GMPPA: variants seen among roughly 807,000 people sequenced by gnomAD.
GMPPA encodes the protein GDP-mannose pyrophosphorylase A.
Under a neutral mutation model 58.6 loss-of-function variants are expected in GMPPA, and 46 were observed. That is an observed-to-expected ratio of 0.78 (90% CI 0.62 to 1.00). The LOEUF is 1.00. GMPPA is among the 50% of genes least tolerant of loss of function. The pLI is 0.00. For missense variants in GMPPA, 468 were observed against 556.4 expected (o/e 0.84, Z 1.60); for synonymous variants, 211 against 214.9 (o/e 0.98, Z 0.16).
At chr2:219,506,177 T>C in intron 11 of GMPPA, 77 bp from the exon 12 acceptor site, 1 of 1,504,228 alleles carries the variant, frequency 6.6e-7, no homozygotes, top group South Asian at 1.2e-5. Context: ...GGGCTCTGCA[T>C]CTGGCCACAC....
chr2:219,502,132 TTGG>T lies in GMPPA; in HGVS notation c.429+98_429+100del, dbSNP rs1010281716. ...TGGGGAGGCAGGGGCGCCCCGGGAGTTGGTGTGGGAGCTGGCGTCAGGAGGGAG... is the reference window on the plus strand; with the variant it reads ...TGGGGAGGCAGGGGCGCCCCGGGAGTTGTGGGAGCTGGCGTCAGGAGGGAG... On this transcript the variant is annotated intron_variant, in intron 5 of 12. Coordinates refer to ENST00000313597, the MANE Select transcript of GMPPA (RefSeq NM_013335.4). The surrounding 1 kb of genome is among the most constrained non-coding windows in gnomAD (Gnocchi z 4.0). 3.9e-6 allele frequency: 5 copies of T among 1,285,338 alleles called. No homozygotes were observed. The highest frequency in any genetic ancestry group is 5.5e-6 in the Non-Finnish European group (5 of 903,740). 79.6% of individuals were successfully genotyped at this position (1,285,338 alleles called of 1,614,324 possible). A position where few individuals can be genotyped will look rare whatever the true frequency, so the allele number is the denominator to read the frequency against.
At chr2:219,505,045 G>A in intron 7 of GMPPA, 183 bp from the exon 8 acceptor site, 2 of 837,060 alleles carry the variant, frequency 2.4e-6, no homozygotes, top group East Asian at 2.7e-5. Flanking sequence ...CCAAGTGGGG[G>A]CTGGGTGGGA....
At position 219,502,004 on chromosome 2, in the gene GMPPA, C is replaced by G; in HGVS notation, c.396C>G (p.Arg132=). The G allele has an allele frequency of 6.2e-7, 1 of 1,614,232 alleles. No individual in the cohort carries two copies. Among genetic ancestry groups the G allele is most frequent in the Non-Finnish European group, 8.5e-7 (1 of 1,180,038 alleles). The part of the protein sequence containing the change: ...PLSAMLEAHR[R]QRHPFLLLGT... Reference sequence around the variant, plus strand: ...GTGCTATGTTGGAAGCCCACCGACGCCAGCGTCACCCTTTCTTACTCCTTG... The same window carrying G: ...GTGCTATGTTGGAAGCCCACCGACGGCAGCGTCACCCTTTCTTACTCCTTG... Residue 132 remains arginine (R), a synonymous_variant, in exon 5 of 13, where the codon CGC becomes CGG. Coordinates refer to ENST00000313597, the MANE Select transcript of GMPPA (RefSeq NM_013335.4). The surrounding 1 kb of genome is among the most constrained non-coding windows in gnomAD (Gnocchi z 4.0).
chr2:219,504,981 G>A, intron 7 of GMPPA: 1 of 915,572 alleles, frequency 1.1e-6, no homozygotes, highest in Non-Finnish European at 1.5e-6. Flanking sequence ...TATGGAAATG[G>A]GGCAGGGATG....
chr2:219,502,275 G>T lies in GMPPA; in HGVS notation c.430-107G>T, dbSNP rs1694425774. On this transcript the variant is annotated intron_variant, in intron 5 of 12. Coordinates refer to ENST00000313597, the MANE Select transcript of GMPPA (RefSeq NM_013335.4). The surrounding 1 kb of genome is among the most constrained non-coding windows in gnomAD (Gnocchi z 4.0). ...TTCCACCCTTGCTGAAGGCCTGTCA[G>T]TGGCAGAGCTGCATGCCAGGTGCTG... 2 of 1,031,642 alleles carry T rather than the reference G, an allele frequency of 1.9e-6. No homozygotes were observed. The highest frequency in any genetic ancestry group is 1.6e-5 in the African/African-American group (1 of 63,608). 63.9% of individuals were successfully genotyped at this position (1,031,642 alleles called of 1,614,324 possible). A position where few individuals can be genotyped will look rare whatever the true frequency, so the allele number is the denominator to read the frequency against.
chr2:219,505,879 C>T (rs1694569325), intron 10 of GMPPA, 101 bp from the exon 11 acceptor site: 1 of 1,140,694 alleles, frequency 8.8e-7, no homozygotes, highest in Non-Finnish European at 1.3e-6. Context: ...TATTGTGTGT[C>T]CTCGAGCAGG....
Position 219,502,091 on chromosome 2 carries a change from C to G in GMPPA, c.429+54C>G, listed in dbSNP as rs1694417035. ...TAGAGGAGGTGATCCCAAGAGCTTC[C>G]CGGAATTCAGGGTGTTGGGGAGGCA... On this transcript the variant is annotated intron_variant, in intron 5 of 12. Transcript: ENST00000313597. The surrounding 1 kb of genome is among the most constrained non-coding windows in gnomAD (Gnocchi z 4.0). 6.3e-7 allele frequency: 1 copy of G among 1,577,958 alleles called. No individual in the cohort carries two copies. Among genetic ancestry groups the G allele is most frequent in the Non-Finnish European group, 8.7e-7 (1 of 1,154,064 alleles).
chr2:219,504,813 C>G (rs1002119517), intron 7 of GMPPA: 2 of 1,038,866 alleles, frequency 1.9e-6, no homozygotes, highest in African/African-American at 3.4e-5. Context: ...TCTACCATCT[C>G]TCTCTCCCTT....
chr2:219,504,253 C>T (rs1417343870), intron 7 of GMPPA, 40 bp downstream of exon 7: 2 of 1,599,218 alleles, frequency 1.3e-6, no homozygotes, highest in East Asian at 4.5e-5. Context: ...CAAGTACCCC[C>T]AGTCACGGAC....
chr2:219,502,412 T>C lies in GMPPA; in HGVS notation c.460T>C (p.Cys154Arg). 1 of 1,613,978 alleles carries C rather than the reference T, an allele frequency of 6.2e-7. No homozygotes were observed. The highest frequency in any genetic ancestry group is 8.5e-7 in the Non-Finnish European group (1 of 1,179,924). The stretch of plus-strand genomic sequence containing the variant: ...CAGGACGCAATCCCTCAACTACGGC[T>C]GCATCGTTGAGAATCCACAGACACA... ...ANRTQSLNYG[C>R]IVENPQTHEV... is the part of the protein sequence containing the mutation. The change falls in exon 6 of 13, where the codon TGC (cysteine) becomes CGC (arginine). Residue 154 changes from cysteine (C) to arginine (R), a missense_variant. Physicochemically the swap from Cys to Arg is radical, Grantham distance 180. Coordinates refer to ENST00000313597, the MANE Select transcript of GMPPA (RefSeq NM_013335.4). This position sits in a 1 kb window ranked among gnomAD's most constrained non-coding sequence, Gnocchi z 4.0.
chr2:219,504,404 A>C, intron 7 of GMPPA, 191 bp downstream of exon 7: 2 of 594,008 alleles, frequency 3.4e-6, no homozygotes, highest in East Asian at 2.8e-5. Flanking sequence ...TTCCTTATCC[A>C]TCCCAGTTCC....
intron 6 of GMPPA, 136 bp from the exon 7 acceptor site, chr2:219,503,941 AGGATGC>A (rs1297243485): frequency 2.5e-6 from 2 of 808,880 alleles, no homozygotes; most frequent in Non-Finnish European, 4.2e-6. Flanking sequence ...AGGCAGCAGT[AGGATGC>A]GGATGCGCAC....
Position 219,505,439 on chromosome 2 carries a change from T to G in GMPPA, c.756-19T>G, listed in dbSNP as rs1373011279. 6.3e-7 allele frequency: 1 copy of G among 1,591,812 alleles called. No individual in the cohort carries two copies. The highest frequency in any genetic ancestry group is 1.8e-5 in the Admixed American group (1 of 55,500). On this transcript the variant is annotated intron_variant, in intron 8 of 12. Coordinates refer to ENST00000313597, the MANE Select transcript of GMPPA (RefSeq NM_013335.4). Reference sequence around the variant, plus strand: ...GGCCCTGCTGACCCCTGAGCCCCTGTCCCCCTTGCGGTCCCCAGTTCAGCC... The same window carrying G: ...GGCCCTGCTGACCCCTGAGCCCCTGGCCCCCTTGCGGTCCCCAGTTCAGCC...
chr2:219,499,847 A>G lies in GMPPA; in HGVS notation c.-20-109A>G. 6.2e-6 allele frequency: 5 copies of G among 811,534 alleles called. No homozygotes were observed. In the South Asian group the frequency reaches 6.9e-5, roughly 11 times the overall value. 50.3% of individuals were successfully genotyped at this position (811,534 alleles called of 1,614,324 possible). ...GGTGTTGGGTCCAGGCAGAGACTAT[A>G]TTGAGCTTTGGGTTTACATCTTGGG... On this transcript the variant is annotated intron_variant, in intron 1 of 12. Coordinates refer to ENST00000313597, the MANE Select transcript of GMPPA (RefSeq NM_013335.4).
chr2:219,499,245 A>G (rs1443761274), intron 1 of GMPPA: 3 of 152,382 alleles, frequency 2.0e-5, no homozygotes, highest in Admixed American at 2.0e-4. Flanking sequence ...TTGGGGTTCA[A>G]CATACAGAGG....
chr2:219,505,306 G>A lies in GMPPA; in HGVS notation c.699G>A (p.Gln233=). ...EQDVFSALAG[Q]GQIYVHLTDG... is the part of the protein sequence containing the mutation. ...ATGTGTTTTCAGCCCTGGCAGGGCA[G>A]GGCCAGATATACGTGCATCTCACTG... is the stretch of plus-strand genomic sequence containing the variant. Residue 233 remains glutamine (Q), a synonymous_variant, in exon 8 of 13, where the codon CAG becomes CAA. Transcript: ENST00000313597. The A allele has an allele frequency of 1.2e-6, 2 of 1,614,106 alleles. No individual in the cohort carries two copies. Among genetic ancestry groups the A allele is most frequent in the South Asian group, 1.1e-5 (1 of 91,064 alleles).
chr2:219,505,128 G>A, intron 7 of GMPPA, 100 bp from the exon 8 acceptor site: 5 of 1,318,844 alleles, frequency 3.8e-6, no homozygotes, highest in South Asian at 1.3e-5. Context: ...GCTTAGAGAG[G>A]TGGTGGGAAT....
At position 219,498,924 on chromosome 2, in the gene GMPPA, T is replaced by G. The variant is rs1575217907; in HGVS notation, c.-35T>G. 1 of 150,110 alleles carries G rather than the reference T, an allele frequency of 6.7e-6. No homozygotes were observed. 9.3% of individuals were successfully genotyped at this position (150,110 alleles called of 1,614,324 possible). On this transcript the variant is annotated 5_prime_UTR_variant, in exon 1 of 13. Transcript: ENST00000313597. The stretch of plus-strand genomic sequence containing the variant: ...GCAGTAGCGGGCGGCAGAGCTGGAG[T>G]GAAGGGAGCTAGTGGTAAAGGGAGC...
chr2:219,500,016 G>A lies in GMPPA; in HGVS notation c.40+1G>A. 6.2e-7 allele frequency: 1 copy of A among 1,613,666 alleles called. No individual in the cohort carries two copies. The highest frequency in any genetic ancestry group is 1.7e-5 in the Admixed American group (1 of 60,010). On this transcript the variant is annotated splice_donor_variant, in intron 2 of 12. Transcript: ENST00000313597. LOFTEE classifies it high-confidence loss of function. ...ATCCTGATTGGAGGCCCTCAAAAGG[G>A]TGAGGTGCCAGGGGAATGGGGGGAG... is the stretch of plus-strand genomic sequence containing the variant.
Sources: gnomAD v4.1 joint callset for allele counts on GRCh38, gnomAD v4.1.1 for gene constraint, Gnocchi (gnomAD v3.1) non-coding constraint, MANE v1.5 for transcripts, NCBI Gene and HGNC (gene_info 2026-07-23, HGNC 2026-07-21) for gene names.